TBL1X: variants seen among roughly 807,000 people sequenced by gnomAD.
TBL1X encodes transducin beta like 1 X-linked.
In TBL1X, 10 loss-of-function variants were observed where a neutral mutation model predicts 50.7. The ratio of observed to expected loss-of-function variants is 0.20; its 90% CI spans 0.12 to 0.33. The LOEUF is 0.33. Ranked by LOEUF, TBL1X falls within the 10% of genes least tolerant of loss-of-function variation. The pLI is 1.00. For synonymous variants in TBL1X, 190 were observed against 214.7 expected, an observed-to-expected ratio of 0.88 and a Z score of 1.01; for missense variants, 340 against 504.4, an observed-to-expected ratio of 0.67 and a Z score of 3.12.
At chrX:9,554,857 C>T (rs189135287) in intron 2 of TBL1X, among the ~76,000 whole-genome samples, 190 of 111,445 alleles carry the variant, frequency 1.7e-3, no homozygotes, top group African/African-American at 6.1e-3. Flanking sequence ...AATTTTAGAA[C>T]ATTGTCATCA....
At chrX:9,484,782 C>T (rs2081902140) in intron 1 of TBL1X, among the ~76,000 whole-genome samples, 1 of 109,390 alleles carries the variant, frequency 9.1e-6, no homozygotes, top group Non-Finnish European at 1.9e-5. Context: ...ACCTGCAGAG[C>T]TTGTTAAAAC....
intron 15 of TBL1X, among the ~76,000 whole-genome samples, chrX:9,711,074 G>T (rs1157687260): frequency 9.0e-6 from 1 of 111,728 alleles, no homozygotes; most frequent in Non-Finnish European, 1.9e-5. Flanking sequence ...GGGCGCAGTG[G>T]CTTACACCTG....
intron 2 of TBL1X, among the ~76,000 whole-genome samples, chrX:9,504,373 A>G (rs1312745997): frequency 8.9e-6 from 1 of 112,059 alleles, no homozygotes; most frequent in African/African-American, 3.2e-5. Context: ...GAAAACCCAA[A>G]AGGCCAGAGT....
At chrX:9,580,782 A>G (rs904833108) in intron 2 of TBL1X, among the ~76,000 whole-genome samples, 12 of 111,743 alleles carry the variant, frequency 1.1e-4, no homozygotes, top group South Asian at 3.8e-4. Flanking sequence ...TGAAAGAGTC[A>G]TTACCAATAG....
chrX:9,541,400 C>T (rs1387165395), intron 2 of TBL1X, among the ~76,000 whole-genome samples: 4 of 111,479 alleles, frequency 3.6e-5, no homozygotes, highest in African/African-American at 3.3e-5. Flanking sequence ...CTGCAAAAAT[C>T]GGTTCTGGCT....
chrX:9,657,473 A>G (rs2082871117), intron 5 of TBL1X, among the ~76,000 whole-genome samples: 1 of 112,422 alleles, frequency 8.9e-6, no homozygotes, highest in Non-Finnish European at 1.9e-5. Context: ...GCAAGGAGGA[A>G]TCTTCAGTGG....
Position 9,692,263 on chromosome X carries a change from C to T in TBL1X, c.891+9C>T, listed in dbSNP as rs963202405. 1.7e-6 allele frequency: 2 copies of T among 1,167,478 alleles called. No individual in the cohort carries two copies. The highest frequency in any genetic ancestry group is 2.3e-6 in the Non-Finnish European group (2 of 876,709). ...CCTCACTGGACTGGAATGTAAGCAT[C>T]TTCCACCCCCTGGGCACTTTGAAAT... On this transcript the variant is annotated intron_variant, in intron 9 of 17. Coordinates refer to ENST00000645353, the MANE Select transcript of TBL1X (RefSeq NM_005647.4).
rs2083269941 is a variant in TBL1X at position 9,715,022 on chromosome X, T to G, written c.1707+19T>G. 5 of 1,195,782 alleles carry G rather than the reference T, an allele frequency of 4.2e-6. No individual in the cohort carries two copies. The African/African-American group carries it at 8.8e-5, about 21-fold the overall frequency. Reference sequence around the variant, plus strand: ...CGGCTCTGTAAGCAACACCTCTGGTTTGCTGGGGAGTGGGGTGTTGGGGGC... The same window carrying G: ...CGGCTCTGTAAGCAACACCTCTGGTGTGCTGGGGAGTGGGGTGTTGGGGGC... On this transcript the variant is annotated intron_variant, in intron 17 of 17. Transcript: ENST00000645353.
At chrX:9,629,019 G>A (rs1268644548) in intron 2 of TBL1X, among the ~76,000 whole-genome samples, 2 of 112,647 alleles carry the variant, frequency 1.8e-5, no homozygotes, top group Non-Finnish European at 3.8e-5. Context: ...TGTCAGTGGG[G>A]CCATTCTAAG....
chrX:9,512,940 C>T (rs916850223), intron 2 of TBL1X, among the ~76,000 whole-genome samples: 2 of 111,382 alleles, frequency 1.8e-5, no homozygotes, highest in Non-Finnish European at 3.8e-5. Context: ...GAAAAACCAG[C>T]GTGGTCTTCA....
At chrX:9,585,383 G>A (rs760210016) in intron 2 of TBL1X, among the ~76,000 whole-genome samples, 1 of 88,509 alleles carries the variant, frequency 1.1e-5, no homozygotes, top group African/African-American at 4.6e-5. Flanking sequence ...ATCACAGGCC[G>A]TCTCTAGGTC....
At chrX:9,514,268 A>G (rs967714950) in intron 2 of TBL1X, among the ~76,000 whole-genome samples, 3 of 111,300 alleles carry the variant, frequency 2.7e-5, no homozygotes, top group African/African-American at 9.8e-5. Context: ...TTACCTGGCA[A>G]TAACAACAAC....
At chrX:9,547,313 A>G (rs1342971478) in intron 2 of TBL1X, among the ~76,000 whole-genome samples, 2 of 108,626 alleles carry the variant, frequency 1.8e-5, no homozygotes, top group African/African-American at 6.7e-5. Flanking sequence ...ATGTCGTTTC[A>G]TTTTTTTGTT....
At chrX:9,544,003 G>A (rs1248712221) in intron 2 of TBL1X, among the ~76,000 whole-genome samples, 1 of 111,172 alleles carries the variant, frequency 9.0e-6, no homozygotes, top group Non-Finnish European at 1.9e-5. Flanking sequence ...AAATCTCCCT[G>A]CCCTCCCCAC....
chrX:9,491,338 AT>A (rs1157943868), intron 1 of TBL1X, among the ~76,000 whole-genome samples: 470 of 31,273 alleles, frequency 0.015, 3 homozygotes, highest in Middle Eastern at 0.032. Context: ...ATATATATAT[AT>A]TTTTTTTTTT....
At chrX:9,516,383 T>C (rs1569212699) in intron 2 of TBL1X, among the ~76,000 whole-genome samples, 2 of 111,779 alleles carry the variant, frequency 1.8e-5, no homozygotes, top group Non-Finnish European at 3.8e-5. Context: ...GGTCCAGCCC[T>C]TTAGAAGAGG....
intron 1 of TBL1X, among the ~76,000 whole-genome samples, chrX:9,470,196 G>T (rs767571346): frequency 1.8e-5 from 2 of 112,654 alleles, no homozygotes; most frequent in Non-Finnish European, 3.7e-5. Context: ...ACATCATGGA[G>T]AATGGGGGTA....
chrX:9,537,405 C>T (rs2082193918), intron 2 of TBL1X, among the ~76,000 whole-genome samples: 1 of 110,742 alleles, frequency 9.0e-6, no homozygotes, highest in South Asian at 3.8e-4. Context: ...TTACATTGTG[C>T]AATCCTCACC....
chrX:9,698,735 G>A lies in TBL1X; in HGVS notation c.1114+1306G>A, dbSNP rs762888120. On this transcript the variant is annotated intron_variant, in intron 12 of 17. Coordinates refer to ENST00000645353, the MANE Select transcript of TBL1X (RefSeq NM_005647.4). The stretch of plus-strand genomic sequence containing the variant: ...GTTAGGGGAGGGTGGGAACTCTCCG[G>A]AAATCTAAAATCTCAGTCGCTAGCC... 1.1e-4 allele frequency among the ~76,000 whole-genome samples: 12 copies of A among 111,864 alleles called. No homozygotes were observed. The South Asian group carries it at 3.8e-3, about 35-fold the overall frequency.
Sources: gnomAD v4.1 joint callset for allele counts (sites outside exome capture counted in the v4.1 genomes callset) on GRCh38, gnomAD v4.1.1 for gene constraint, MANE v1.5 for transcripts, NCBI Gene and HGNC (gene_info 2026-07-23, HGNC 2026-07-21) for gene names.